The following CRNKL1 variants were observed in gnomAD, a reference collection of about 807,000 sequenced individuals.
The protein encoded by CRNKL1 is crooked neck pre-mRNA splicing factor 1, also known as crooked neck-like protein 1.
A neutral mutation model predicts 103.7 loss-of-function variants in CRNKL1; 35 were observed. That is an observed-to-expected ratio of 0.34 (90% confidence interval 0.26 to 0.45). CRNKL1 has a LOEUF of 0.45. Among genes scored for constraint, CRNKL1 ranks in the 20% least tolerant of loss-of-function variants. CRNKL1 has a pLI of 1.00. For missense variants in CRNKL1, 645 were observed against 836.0 expected (o/e 0.77, Z 2.82); for synonymous variants, 267 against 282.6 (o/e 0.94, Z 0.55).
At chr20:20,042,275 A>T in intron 8 of CRNKL1, 50 bp downstream of exon 8, 1 of 1,481,440 alleles carries the variant, frequency 6.8e-7, no homozygotes, top group Non-Finnish European at 9.1e-7. Flanking sequence ...AGCTGTGAAT[A>T]CAGAAGACAG....
chr20:20,046,013 A>G (rs1337542156), intron 5 of CRNKL1, among the ~76,000 whole-genome samples: 2 of 152,254 alleles, frequency 1.3e-5, no homozygotes, highest in African/African-American at 4.8e-5. Flanking sequence ...ATTAAGAAAA[A>G]AACATGCTAT....
chr20:20,048,258 C>T, intron 4 of CRNKL1, 85 bp downstream of exon 4: 1 of 1,450,138 alleles, frequency 6.9e-7, no homozygotes, highest in Non-Finnish European at 9.5e-7. Flanking sequence ...TCAAATTAAA[C>T]TATCATCATG....
In CRNKL1 at chr20:20,047,850, C is replaced by T; in HGVS notation, c.537G>A (p.Gln179=). 6.2e-7 allele frequency: 1 copy of T among 1,614,238 alleles called. No homozygotes were observed. Among genetic ancestry groups the T allele is most frequent in the South Asian group, 1.1e-5 (1 of 91,088 alleles). ...AGGAGTGCCAGGCTTGCTCCTCAGG[C>T]TGCCACTCCATCCAGCGCTCAAACA... ...RQVFERWMEW[Q]PEEQAWHSYI... The change falls in exon 5 of 14, where the codon CAG becomes CAA. Residue 179 remains glutamine, a synonymous_variant. Coordinates refer to ENST00000536226, the MANE Select transcript of CRNKL1 (RefSeq NM_001278628.2).
upstream of CRNKL1, chr20:20,055,955 G>A (rs1198146361): frequency 1.9e-6 from 3 of 1,608,730 alleles, no homozygotes; most frequent in African/African-American, 1.3e-5. Context: ...TACTGTTTTT[G>A]TCAACAGCAT....
intron 2 of CRNKL1, 132 bp from the exon 3 acceptor site, chr20:20,049,563 TC>T: frequency 1.7e-6 from 1 of 583,088 alleles, no homozygotes. Context: ...CATCCTGGAA[TC>T]CTTGAGGAAT....
intron 1 of CRNKL1, among the ~76,000 whole-genome samples, chr20:20,051,844 G>A (rs1270228801): frequency 1.3e-5 from 2 of 152,142 alleles, no homozygotes; most frequent in African/African-American, 4.8e-5. Flanking sequence ...TCAAGTCTCA[G>A]CTTAAAGGTC....
chr20:20,052,748 CA>C (rs1384479481), upstream of CRNKL1: 2 of 1,570,530 alleles, frequency 1.3e-6, no homozygotes, highest in East Asian at 4.6e-5. Context: ...AACGGAGCTC[CA>C]ATCTGGATGC....
In CRNKL1 at chr20:20,036,245, C is replaced by G. The variant is rs757383500; in HGVS notation, c.2014G>C (p.Glu672Gln). 1.2e-6 allele frequency: 2 copies of G among 1,614,194 alleles called. No individual in the cohort carries two copies. The highest frequency in any genetic ancestry group is 1.3e-5 in the African/African-American group (1 of 75,056). Residue 672 changes from glutamate to glutamine, a missense_variant, in exon 14 of 14, where the codon GAG (glutamate) becomes CAG (glutamine). Glu to Gln is a conservative substitution (Grantham distance 29, BLOSUM62 2). This residue lies in a region of CRNKL1 where 582 missense variants were observed against 707.7 expected (regional missense o/e 0.82). Coordinates refer to ENST00000536226, the MANE Select transcript of CRNKL1 (RefSeq NM_001278628.2). The part of the protein sequence containing the change: ...KLWKKQQQEK[E>Q]DAEHHPDEDV... ...TCATCTGGATGGTGCTCAGCATCCT[C>G]CTTTTCCTGCTGCTGTTTCTTCCAC...
Position 20,049,356 on chromosome 20 carries a change from G to C in CRNKL1, c.280C>G (p.Leu94Val). 1.3e-6 allele frequency: 2 copies of C among 1,577,202 alleles called. No homozygotes were observed. Among genetic ancestry groups the C allele is most frequent in the Non-Finnish European group, 1.7e-6 (2 of 1,149,114 alleles). ...WIKYAQWEES[L>V]KEIQRARSIY... ...TAATTTTACCTTTGAATCTCCTTTA[G>C]GCTTTCTTCCCATTGTGCGTATTTT... Residue 94 changes from leucine (L) to valine (V), a missense_variant, in exon 3 of 14, where the codon CTA becomes GTA. By Grantham distance (32) the Leu-to-Val change is conservative. Transcript: ENST00000536226.
intron 9 of CRNKL1, among the ~76,000 whole-genome samples, chr20:20,041,142 T>G (rs1227500721): frequency 6.6e-6 from 1 of 152,212 alleles, no homozygotes; most frequent in Non-Finnish European, 1.5e-5. Flanking sequence ...TCAACACTTC[T>G]ACAGAAGGAA....
chr20:20,043,713 G>C (rs2043551233), intron 6 of CRNKL1, 51 bp from the exon 7 acceptor site: 1 of 1,529,686 alleles, frequency 6.5e-7, no homozygotes, highest in African/African-American at 1.4e-5. Flanking sequence ...TCTCATGCCA[G>C]TCACAACTAG....
intron 6 of CRNKL1, 29 bp downstream of exon 6, chr20:20,045,279 T>C: frequency 6.4e-7 from 1 of 1,558,680 alleles, no homozygotes; most frequent in Non-Finnish European, 8.7e-7. Flanking sequence ...TAAGCTGTTT[T>C]ACAGTATAAT....
At chr20:20,044,619 G>C (rs2043566028) in intron 6 of CRNKL1, among the ~76,000 whole-genome samples, 1 of 152,096 alleles carries the variant, frequency 6.6e-6, no homozygotes, top group Admixed American at 6.6e-5. Context: ...TGTATTATTT[G>C]AACTCCCTTT....
At chr20:20,037,620 A>T in intron 12 of CRNKL1, 49 bp from the exon 13 acceptor site, 3 of 1,562,636 alleles carry the variant, frequency 1.9e-6, no homozygotes, top group Non-Finnish European at 2.6e-6. Context: ...CACTCAGAAG[A>T]TAATAATGTA....
chr20:20,041,763 CCT>C (rs2043518321), intron 8 of CRNKL1, 138 bp from the exon 9 acceptor site: 1 of 632,314 alleles, frequency 1.6e-6, no homozygotes, highest in Non-Finnish European at 2.8e-6. Flanking sequence ...ACTTGCAAAC[CCT>C]GATTTATGAT....
upstream of CRNKL1, among the ~76,000 whole-genome samples, chr20:20,054,009 GTTTGT>G (rs1237684493): frequency 9.0e-5 from 8 of 88,854 alleles, no homozygotes; most frequent in Non-Finnish European, 1.3e-4. Context: ...TGTTTTTTTT[GTTTGT>G]TTTTTTTTTT....
Position 20,052,438 on chromosome 20 carries a change from A to T in CRNKL1, c.-96T>A, listed in dbSNP as rs745429919. The T allele has an allele frequency of 1.9e-6, 3 of 1,614,052 alleles. No individual in the cohort carries two copies. In the Admixed American group the frequency reaches 5.0e-5, roughly 27 times the overall value. On this transcript the variant is annotated 5_prime_UTR_variant, in exon 1 of 14. In the 5' UTR this introduces an upstream ATG that the reference lacks. Coordinates refer to ENST00000536226, the MANE Select transcript of CRNKL1 (RefSeq NM_001278628.2). ...GAAACCACAAAGCTTTCAGAAAACAAACAGGATCTCGGAACCGGAAGCGGA... is the reference window on the plus strand; with the variant it reads ...GAAACCACAAAGCTTTCAGAAAACATACAGGATCTCGGAACCGGAAGCGGA...
rs1374144634 is a variant in CRNKL1, at chr20:20,049,322, C to T, written c.296+18G>A. The T allele has an allele frequency of 3.0e-6, 4 of 1,321,178 alleles. No individual in the cohort carries two copies. Among genetic ancestry groups the T allele is most frequent in the East Asian group, 4.6e-5 (2 of 43,406 alleles). 81.8% of individuals were successfully genotyped at this position (1,321,178 alleles called of 1,614,324 possible). A position where few individuals can be genotyped will look rare whatever the true frequency, so the allele number is the denominator to read the frequency against. ...CTATGAATCATTATATACAAAACTA[C>T]ACTCTCAGTAATTTTACCTTTGAAT... On this transcript the variant is annotated intron_variant, in intron 3 of 13. Transcript: ENST00000536226.
rs1200733004 is a variant in CRNKL1, at chr20:20,045,290, G to A, written c.801+18C>T. 4 of 1,591,994 alleles carry A rather than the reference G, an allele frequency of 2.5e-6. No homozygotes were observed. Among genetic ancestry groups the A allele is most frequent in the Non-Finnish European group, 3.4e-6 (4 of 1,166,016 alleles). On this transcript the variant is annotated intron_variant, in intron 6 of 13. Coordinates refer to ENST00000536226, the MANE Select transcript of CRNKL1 (RefSeq NM_001278628.2). ...TTGCTAAGCTGTTTTACAGTATAAT[G>A]AAGTTAGGTATACTTACCTCTTTCT...
Sources: allele counts gnomAD v4.1 joint callset (sites outside exome capture counted in the v4.1 genomes callset), GRCh38; gene constraint gnomAD v4.1.1; regional missense constraint gnomAD v4.1.1; transcripts MANE v1.5; gene names NCBI Gene and HGNC (gene_info 2026-07-23, HGNC 2026-07-21).